The following IFFO2 variants were observed in gnomAD, a reference collection of about 807,000 sequenced individuals.
The protein encoded by IFFO2 is intermediate filament family orphan 2.
IFFO2 carries 19 observed loss-of-function variants against 53.5 expected under a neutral mutation model. The observed-to-expected ratio is 0.36, with a 90% CI of 0.25 to 0.52. The LOEUF (loss-of-function observed/expected upper bound fraction) is 0.52, where lower values mean the gene tolerates loss of function less well. IFFO2 is among the 20% of genes least tolerant of loss of function. The pLI is 0.94. For synonymous variants in IFFO2, 303 were observed against 313.6 expected (o/e 0.97, Z 0.36); for missense variants, 570 against 727.4 (o/e 0.78, Z 2.49).
chr1:18,940,896 A>C (rs1271484008), intron 1 of IFFO2, among the ~76,000 whole-genome samples: 1 of 152,158 alleles, frequency 6.6e-6, no homozygotes, highest in Non-Finnish European at 1.5e-5. Context: ...GTCCCCCCCA[A>C]AAGCCATGAG....
intron 8 of IFFO2, among the ~76,000 whole-genome samples, chr1:18,909,710 C>A (rs777524745): frequency 1.3e-5 from 2 of 152,222 alleles, no homozygotes; most frequent in Non-Finnish European, 2.9e-5. Flanking sequence ...CCTCCTCAGC[C>A]ATGTGGAACG....
chr1:18,925,399 T>C (rs1238477122), intron 1 of IFFO2, among the ~76,000 whole-genome samples: 1 of 152,206 alleles, frequency 6.6e-6, no homozygotes, highest in African/African-American at 2.4e-5. Flanking sequence ...AGTGGCATGG[T>C]TGTGGGATCC....
At chr1:18,920,149 C>T (rs1047085331) in intron 2 of IFFO2, among the ~76,000 whole-genome samples, 1 of 152,164 alleles carries the variant, frequency 6.6e-6, no homozygotes, top group African/African-American at 2.4e-5. Context: ...GTCTGAAGAG[C>T]GTGGGTGTGT....
In IFFO2 at chr1:18,928,830, G is replaced by A. The variant is rs1282370671; in HGVS notation, c.666-7709C>T. Among the ~76,000 whole-genome samples the A allele has an allele frequency of 6.6e-6, 1 of 152,144 alleles. No individual in the cohort carries two copies. Among genetic ancestry groups the A allele is most frequent in the Non-Finnish European group, 1.5e-5 (1 of 68,028 alleles). ...TCCCTCGGGACATGACATTTGCAGT[G>A]TTATTTGCACGCCCTGGATAGGGCC... On this transcript the variant is annotated intron_variant, in intron 1 of 8. Transcript: ENST00000455833. This position sits in a 1 kb window ranked among gnomAD's most constrained non-coding sequence, Gnocchi z 4.9.
chr1:18,935,673 A>G (rs1184091936), intron 1 of IFFO2, among the ~76,000 whole-genome samples: 3 of 145,940 alleles, frequency 2.1e-5, no homozygotes, highest in Non-Finnish European at 4.5e-5. Context: ...TGCTTAACTC[A>G]TCTTTCTTTT....
rs547897090 is a variant in IFFO2, at chr1:18,940,258, G to A, written c.665+15410C>T. Among the ~76,000 whole-genome samples the A allele has an allele frequency of 5.9e-5, 9 of 152,352 alleles. No homozygotes were observed. In the South Asian group the frequency reaches 1.9e-3, roughly 32 times the overall value. ...GAGCTGCCGGCCAGGAGTGAGAGCTGTCTGTTGACACAGCAGAGAAGCAGA... is the reference window on the plus strand; with the variant it reads ...GAGCTGCCGGCCAGGAGTGAGAGCTATCTGTTGACACAGCAGAGAAGCAGA... On this transcript the variant is annotated intron_variant, in intron 1 of 8. Coordinates refer to ENST00000455833, the MANE Select transcript of IFFO2 (RefSeq NM_001136265.2).
At chr1:18,943,750 G>A (rs1200162101) in intron 1 of IFFO2, among the ~76,000 whole-genome samples, 2 of 152,250 alleles carry the variant, frequency 1.3e-5, no homozygotes, top group African/African-American at 4.8e-5. Context: ...AACCAGGCCA[G>A]AGGCTGGAGA....
rs112104396 is a variant in IFFO2 at position 18,916,947 on chromosome 1, G to A, written c.1059C>T (p.Gly353=). The change falls in exon 5 of 9, where the codon GGC becomes GGT. Residue 353 remains glycine, a synonymous_variant. Transcript: ENST00000455833. The surrounding 1 kb of genome is among the most constrained non-coding windows in gnomAD (Gnocchi z 4.3). ...EVNRFSDDEV[G]SMNITDEMKR... Reference sequence around the variant, plus strand: ...TCATCTCATCGGTGATGTTCATGGAGCCGACCTCATCGTCCGAGAACCGGT... The same window carrying A: ...TCATCTCATCGGTGATGTTCATGGAACCGACCTCATCGTCCGAGAACCGGT... 6.4e-5 allele frequency: 99 copies of A among 1,551,964 alleles called. No individual in the cohort carries two copies. The African/African-American group carries it at 7.0e-4, about 11-fold the overall frequency.
chr1:18,940,796 C>T (rs933840805), intron 1 of IFFO2, among the ~76,000 whole-genome samples: 1 of 152,118 alleles, frequency 6.6e-6, no homozygotes, highest in Non-Finnish European at 1.5e-5. Context: ...TGTACGTACA[C>T]GTGCAAATAC....
chr1:18,926,014 TGG>T (rs1936287737), intron 1 of IFFO2, among the ~76,000 whole-genome samples: 1 of 133,654 alleles, frequency 7.5e-6, no homozygotes. Flanking sequence ...GTTGGATGGA[TGG>T]ATGGATGGAT....
intron 8 of IFFO2, among the ~76,000 whole-genome samples, chr1:18,909,889 C>T (rs1429608691): frequency 6.6e-6 from 1 of 152,122 alleles, no homozygotes; most frequent in African/African-American, 2.4e-5. Flanking sequence ...TGAGCCACCA[C>T]GCCCAGCCTC....
rs1413043046 is a variant in IFFO2, at chr1:18,928,198, AC to A, written c.666-7078del. 1.3e-5 allele frequency among the ~76,000 whole-genome samples: 2 copies of A among 149,940 alleles called. No individual in the cohort carries two copies. Among genetic ancestry groups the A allele is most frequent in the Non-Finnish European group, 3.0e-5 (2 of 67,494 alleles). On this transcript the variant is annotated intron_variant, in intron 1 of 8. Coordinates refer to ENST00000455833, the MANE Select transcript of IFFO2 (RefSeq NM_001136265.2). This position sits in a 1 kb window ranked among gnomAD's most constrained non-coding sequence, Gnocchi z 4.9. ...CCCCCTCCTGCCTGCCCCAAGCCCC[AC>A]CCCCTGGGGACACCTGGCACCACCT...
chr1:18,933,421 G>A (rs770439130), intron 1 of IFFO2, among the ~76,000 whole-genome samples: 4 of 152,240 alleles, frequency 2.6e-5, no homozygotes, highest in African/African-American at 4.8e-5. Context: ...CAGCAGCGAC[G>A]TGGGTGGCTG....
intron 7 of IFFO2, 66 bp from the exon 8 acceptor site, chr1:18,910,538 C>A: frequency 6.5e-7 from 1 of 1,541,786 alleles, no homozygotes; most frequent in Non-Finnish European, 8.8e-7. Context: ...CCTCGGCAAC[C>A]TCTCCTCCTG....
chr1:18,954,147 G>A (rs545332970), intron 1 of IFFO2, among the ~76,000 whole-genome samples: 9 of 152,356 alleles, frequency 5.9e-5, no homozygotes, highest in South Asian at 4.1e-4. Flanking sequence ...TCCCAGTGGA[G>A]TGTAAGACCT....
At chr1:18,954,083 C>T (rs1936692505) in intron 1 of IFFO2, among the ~76,000 whole-genome samples, 1 of 152,180 alleles carries the variant, frequency 6.6e-6, no homozygotes. Flanking sequence ...AGGCACCAGG[C>T]GGGCCATTCT....
At chr1:18,921,214 T>C (rs1364113805) in intron 1 of IFFO2, 93 bp from the exon 2 acceptor site, 3 of 1,127,468 alleles carry the variant, frequency 2.7e-6, no homozygotes, top group East Asian at 2.6e-5. Flanking sequence ...CCAGGGACTA[T>C]CTTGAGCTGG....
intron 8 of IFFO2, among the ~76,000 whole-genome samples, 152 bp downstream of exon 8, chr1:18,910,190 G>A (rs1936013152): frequency 7.7e-6 from 1 of 129,744 alleles, no homozygotes; most frequent in African/African-American, 3.4e-5. Context: ...ATAGTCACTG[G>A]ATGGATGGAT....
At chr1:18,914,822 CAA>C (rs71030111) in intron 5 of IFFO2, among the ~76,000 whole-genome samples, 10,023 of 71,818 alleles carry the variant, frequency 0.14, 426 homozygotes, top group South Asian at 0.26. Context: ...GGCTCCATCT[CAA>C]AAAAAAAAAA....
Sources: allele counts gnomAD v4.1 joint callset (sites outside exome capture counted in the v4.1 genomes callset), GRCh38; gene constraint gnomAD v4.1.1; non-coding constraint Gnocchi (gnomAD v3.1); transcripts MANE v1.5; gene names NCBI Gene and HGNC (gene_info 2026-07-23, HGNC 2026-07-21).